The following FGD5 variants were observed in gnomAD, a reference collection of about 807,000 sequenced individuals.
The protein encoded by FGD5 is FYVE, RhoGEF and PH domain-containing protein 5.
Under a neutral mutation model 133.4 loss-of-function variants are expected in FGD5, and 28 were observed. The observed-to-expected ratio is 0.21, with a 90% CI of 0.16 to 0.29. FGD5 has a LOEUF of 0.29. Ranked by LOEUF, FGD5 falls within the 10% of genes least tolerant of loss-of-function variation. The pLI, the probability that FGD5 is intolerant of heterozygous loss-of-function variation, is 1.00. For missense variants in FGD5, 1,858 were observed against 1,895.2 expected, an observed-to-expected ratio of 0.98 and a Z score of 0.36; for synonymous variants, 810 against 776.5, an observed-to-expected ratio of 1.04 and a Z score of -0.72.
At chr3:14,866,229 A>G (rs2037491058) in intron 2 of FGD5, among the ~76,000 whole-genome samples, 1 of 152,164 alleles carries the variant, frequency 6.6e-6, no homozygotes. Context: ...GAGCACTAAT[A>G]GTAACTGCGG....
intron 1 of FGD5, among the ~76,000 whole-genome samples, chr3:14,862,184 G>A (rs56946809): frequency 0.092 from 13,926 of 152,148 alleles, 815 homozygotes; most frequent in East Asian, 0.3. Flanking sequence ...GGAGTGGTAG[G>A]AGTGCTGCTA....
At chr3:14,880,464 C>A in intron 2 of FGD5, 108 bp from the exon 3 acceptor site, 1 of 911,712 alleles carries the variant, frequency 1.1e-6, no homozygotes, top group South Asian at 1.7e-5. Flanking sequence ...GTAATGAGTG[C>A]CAGGAAATGG....
chr3:14,828,453 G>T (rs113915238), intron 1 of FGD5, among the ~76,000 whole-genome samples: 5,484 of 152,304 alleles, frequency 0.036, 145 homozygotes, highest in South Asian at 0.051. Context: ...CACATCATCT[G>T]CAGACAGGGA....
intron 1 of FGD5, among the ~76,000 whole-genome samples, chr3:14,851,054 G>C (rs1195055846): frequency 5.3e-5 from 8 of 152,176 alleles, no homozygotes; most frequent in Non-Finnish European, 1.5e-5. Context: ...TTATTTTACA[G>C]ATGGGGAAAC....
chr3:14,884,891 C>T (rs574858177), intron 4 of FGD5, among the ~76,000 whole-genome samples: 6 of 152,110 alleles, frequency 3.9e-5, no homozygotes, highest in East Asian at 2.0e-4. Context: ...CTGCGCCTGC[C>T]GACAAAAAGT....
At chr3:14,824,649 C>T (rs975616849) in intron 1 of FGD5, among the ~76,000 whole-genome samples, 6 of 152,208 alleles carry the variant, frequency 3.9e-5, no homozygotes, top group Non-Finnish European at 8.8e-5. Flanking sequence ...GTGTATTTCT[C>T]AACCATTCAC....
intron 1 of FGD5, among the ~76,000 whole-genome samples, chr3:14,846,671 A>G (rs1388431540): frequency 2.0e-5 from 3 of 152,212 alleles, no homozygotes; most frequent in African/African-American, 4.8e-5. Context: ...GAAGATGAAG[A>G]AGCATTGTCA....
At chr3:14,880,296 G>A (rs1179648746) in intron 2 of FGD5, among the ~76,000 whole-genome samples, 1 of 152,182 alleles carries the variant, frequency 6.6e-6, no homozygotes, top group East Asian at 1.9e-4. Context: ...CGAGTCTGCA[G>A]GGAACTGAGA....
Position 14,898,067 on chromosome 3 carries a change from G to T in FGD5, c.3038G>T (p.Arg1013Leu). ...AGTGAGAATTGCCTCCACTCTCCCC[G>T]GCTGGCAGCTGCTGTCCGTGAATTT... The part of the protein sequence containing the change: ...LLSENCLHSP[R>L]LAAAVREFEQ... Residue 1013 changes from arginine to leucine, a missense_variant, in exon 6 of 20, where the codon CGG becomes CTG. This residue lies in a region of FGD5 where 1,824 missense variants were observed against 1,848.9 expected (regional missense o/e 0.99). Transcript: ENST00000285046. 1 of 1,613,970 alleles carries T rather than the reference G, an allele frequency of 6.2e-7. No individual in the cohort carries two copies. Among genetic ancestry groups the T allele is most frequent in the Non-Finnish European group, 8.5e-7 (1 of 1,179,874 alleles).
At chr3:14,840,239 G>C (rs2125084715) in intron 1 of FGD5, among the ~76,000 whole-genome samples, 1 of 152,040 alleles carries the variant, frequency 6.6e-6, no homozygotes, top group Non-Finnish European at 1.5e-5. Context: ...CCATCTCCTG[G>C]GTTCAAGCGA....
intron 1 of FGD5, among the ~76,000 whole-genome samples, chr3:14,813,264 A>G (rs371984639): frequency 9.2e-5 from 14 of 152,320 alleles, no homozygotes; most frequent in African/African-American, 3.4e-4. Context: ...CCAAGATCAC[A>G]GAGCTGACGT....
At position 14,828,878 on chromosome 3, in the gene FGD5, A is replaced by C. The variant is rs576974909; in HGVS notation, c.2525+7282A>C. ...ATTCTGTTGCCTGTGCTGGAGTGCA[A>C]TGGCATGATCTTGACTCACTGCAAC... On this transcript the variant is annotated intron_variant, in intron 1 of 19. Transcript: ENST00000285046. Among the ~76,000 whole-genome samples the C allele has an allele frequency of 2.9e-3, 428 of 148,612 alleles. 2 individuals are homozygous for C. The highest frequency in any genetic ancestry group is 5.3e-3 in the Admixed American group (78 of 14,786).
At chr3:14,864,095 G>C in intron 1 of FGD5, 33 bp from the exon 2 acceptor site, 1 of 1,604,162 alleles carries the variant, frequency 6.2e-7, no homozygotes, top group Non-Finnish European at 8.5e-7. Flanking sequence ...TAAACAAAAA[G>C]CTTTAACCCT....
chr3:14,884,177 C>T (rs866119678), intron 4 of FGD5, among the ~76,000 whole-genome samples: 3 of 152,186 alleles, frequency 2.0e-5, no homozygotes. Flanking sequence ...ACAGGTGTGG[C>T]ACCTGGACAC....
chr3:14,899,063 A>G (rs925714371), intron 7 of FGD5, among the ~76,000 whole-genome samples: 4 of 151,788 alleles, frequency 2.6e-5, no homozygotes, highest in African/African-American at 9.7e-5. Context: ...CAAAAACCCA[A>G]CGACACCCCT....
At chr3:14,895,918 T>A (rs954785484) in intron 4 of FGD5, among the ~76,000 whole-genome samples, 1 of 151,668 alleles carries the variant, frequency 6.6e-6, no homozygotes, top group Admixed American at 6.6e-5. Flanking sequence ...ATAGAACTGA[T>A]AAACAAATTC....
chr3:14,905,856 G>C (rs754209165), intron 9 of FGD5, among the ~76,000 whole-genome samples: 1 of 152,064 alleles, frequency 6.6e-6, no homozygotes, highest in South Asian at 2.1e-4. Context: ...CTTGTTATTG[G>C]AGGCCAGGCA....
intron 2 of FGD5, among the ~76,000 whole-genome samples, chr3:14,876,927 G>C (rs2037731435): frequency 6.6e-6 from 1 of 152,210 alleles, no homozygotes; most frequent in Non-Finnish European, 1.5e-5. Flanking sequence ...GACCTGCCCG[G>C]GTCCCAGAAT....
intron 2 of FGD5, among the ~76,000 whole-genome samples, chr3:14,873,211 TC>T (rs2037645832): frequency 1.3e-5 from 2 of 152,304 alleles, no homozygotes; most frequent in Admixed American, 6.5e-5. Context: ...TTAAGGTTTT[TC>T]TGGGATCCCC....
Sources: gnomAD v4.1 joint callset for allele counts (sites outside exome capture counted in the v4.1 genomes callset) on GRCh38, gnomAD v4.1.1 for gene constraint, gnomAD v4.1.1 regional missense constraint, MANE v1.5 for transcripts, NCBI Gene and HGNC (gene_info 2026-07-23, HGNC 2026-07-21) for gene names.